Variants in SSBP3 observed in about 807,000 individuals in gnomAD.
SSBP3 encodes single stranded DNA binding protein 3, also known as single-stranded DNA-binding protein 3.
In SSBP3, 5 loss-of-function variants were observed where a neutral mutation model predicts 69.6. The observed-to-expected ratio is 0.07, with a 90% CI of 0.04 to 0.15. The LOEUF is 0.15. Among genes scored for constraint, SSBP3 ranks in the 10% least tolerant of loss-of-function variants. The pLI is 1.00. For synonymous variants in SSBP3, 196 were observed against 193.4 expected (o/e 1.01, Z -0.11); for missense variants, 312 against 534.0 (o/e 0.58, Z 4.10).
chr1:54,369,887 C>CTG (rs892297805), intron 4 of SSBP3, among the ~76,000 whole-genome samples: 2 of 152,082 alleles, frequency 1.3e-5, no homozygotes, highest in African/African-American at 4.8e-5. Context: ...TTTTTTTACC[C>CTG]TGCTGCCTCT....
At chr1:54,408,152 G>A (rs1649898371), upstream of SSBP3, among the ~76,000 whole-genome samples, 1 of 152,128 alleles carries the variant, frequency 6.6e-6, no homozygotes, top group African/African-American at 2.4e-5. Flanking sequence ...CGCTCACAGG[G>A]GAAAGGGGCA....
intron 4 of SSBP3, among the ~76,000 whole-genome samples, chr1:54,341,665 T>C (rs1646608745): frequency 6.6e-6 from 1 of 151,426 alleles, no homozygotes; most frequent in Non-Finnish European, 1.5e-5. Flanking sequence ...TCCTTTATTA[T>C]GGTTGTGGAG....
intron 4 of SSBP3, among the ~76,000 whole-genome samples, chr1:54,298,037 C>A (rs1283544424): frequency 2.6e-5 from 4 of 152,186 alleles, no homozygotes; most frequent in Non-Finnish European, 5.9e-5. Flanking sequence ...TCTTCTGCCC[C>A]CTCATGCTCC....
At chr1:54,282,339 T>G (rs1645410547) in intron 4 of SSBP3, among the ~76,000 whole-genome samples, 1 of 152,150 alleles carries the variant, frequency 6.6e-6, no homozygotes, top group South Asian at 2.1e-4. Context: ...AACGAATAAA[T>G]GAACAGACCA....
chr1:54,370,173 C>G (rs970152466), intron 4 of SSBP3, among the ~76,000 whole-genome samples: 3 of 152,128 alleles, frequency 2.0e-5, no homozygotes, highest in African/African-American at 7.2e-5. Flanking sequence ...CAGGGCCTTC[C>G]TGGAAGCTGG....
At chr1:54,368,096 G>A (rs1234474745) in intron 4 of SSBP3, among the ~76,000 whole-genome samples, 1 of 152,114 alleles carries the variant, frequency 6.6e-6, no homozygotes, top group African/African-American at 2.4e-5. Context: ...GAGGTCAGGA[G>A]TTCGAGACCA....
At chr1:54,247,705 C>T (rs999015765) in intron 9 of SSBP3, among the ~76,000 whole-genome samples, 8 of 152,198 alleles carry the variant, frequency 5.3e-5, no homozygotes, top group African/African-American at 1.7e-4. Context: ...AACAACAAGT[C>T]GGTGGCTCTC....
At chr1:54,357,833 AT>A (rs1646892458) in intron 4 of SSBP3, among the ~76,000 whole-genome samples, 1 of 152,322 alleles carries the variant, frequency 6.6e-6, no homozygotes, top group Non-Finnish European at 1.5e-5. Flanking sequence ...TTTTGCTAGC[AT>A]GTTCACCTGC....
In SSBP3 at chr1:54,401,954, A is replaced by T; in HGVS notation, c.192-9T>A. On this transcript the variant is annotated splice_polypyrimidine_tract_variant and intron_variant, in intron 3 of 17. Transcript: ENST00000610401. ...AAAGGTCCCAAAATACACTGCGAGG[A>T]GGAAAATAAAATAAGGTCAGGTTAC... The T allele has an allele frequency of 6.2e-7, 1 of 1,612,376 alleles. No individual in the cohort carries two copies. Among genetic ancestry groups the T allele is most frequent in the Non-Finnish European group, 8.5e-7 (1 of 1,178,568 alleles).
chr1:54,399,568 A>G (rs947430817), intron 4 of SSBP3, among the ~76,000 whole-genome samples: 1 of 152,212 alleles, frequency 6.6e-6, no homozygotes, highest in African/African-American at 2.4e-5. Flanking sequence ...GTGATCACAG[A>G]ATGCAGAAAA....
chr1:54,338,162 C>T (rs901212981), intron 4 of SSBP3, among the ~76,000 whole-genome samples: 25 of 152,254 alleles, frequency 1.6e-4, no homozygotes, highest in African/African-American at 6.0e-4. Flanking sequence ...TTGCCTGTGA[C>T]TGCCCCTGTG....
intron 13 of SSBP3, 101 bp downstream of exon 13, chr1:54,240,804 T>A (rs1055603981): frequency 2.2e-5 from 33 of 1,483,646 alleles, no homozygotes; most frequent in Admixed American, 5.3e-5. Context: ...AAGGAGTGGC[T>A]GGTAAGCTCT....
chr1:54,298,981 C>T (rs1399570666), intron 4 of SSBP3, among the ~76,000 whole-genome samples: 1 of 103,044 alleles, frequency 9.7e-6, no homozygotes, highest in East Asian at 5.4e-4. Context: ...CAAGGTGCCA[C>T]GCTGAGCTGA....
chr1:54,404,029 C>T (rs1570073117), intron 3 of SSBP3, among the ~76,000 whole-genome samples: 1 of 113,378 alleles, frequency 8.8e-6, no homozygotes, highest in Non-Finnish European at 1.8e-5. Flanking sequence ...GGGAGGGGGG[C>T]GGGGAGCTCC....
intron 4 of SSBP3, among the ~76,000 whole-genome samples, chr1:54,370,087 T>C (rs1051427314): frequency 1.3e-5 from 2 of 152,152 alleles, no homozygotes; most frequent in Admixed American, 1.3e-4. Context: ...CTCCGTCCTC[T>C]TCAGGGTCAC....
intron 14 of SSBP3, among the ~76,000 whole-genome samples, chr1:54,235,703 C>T (rs1323358579): frequency 2.0e-5 from 3 of 152,064 alleles, no homozygotes; most frequent in Non-Finnish European, 4.4e-5. Flanking sequence ...TCACCTCGGC[C>T]TCCCAACGTG....
At chr1:54,231,273 G>A (rs1286416425) in intron 14 of SSBP3, among the ~76,000 whole-genome samples, 11 of 152,202 alleles carry the variant, frequency 7.2e-5, no homozygotes, top group Non-Finnish European at 1.3e-4. Flanking sequence ...GTTTTGATTT[G>A]CATTTCCTAA....
intron 7 of SSBP3, 87 bp from the exon 8 acceptor site, chr1:54,251,947 C>A: frequency 1.7e-6 from 2 of 1,161,982 alleles, no homozygotes; most frequent in Non-Finnish European, 2.5e-6. Flanking sequence ...ACCCAGTGCC[C>A]CGTGTGATCA....
chr1:54,406,905 C>T (rs1366977096), upstream of SSBP3, among the ~76,000 whole-genome samples: 1 of 151,644 alleles, frequency 6.6e-6, no homozygotes, highest in Non-Finnish European at 1.5e-5. Context: ...CTTGGTTGTC[C>T]TCCCCCTAGG....
Sources: allele counts gnomAD v4.1 joint callset (sites outside exome capture counted in the v4.1 genomes callset), GRCh38; gene constraint gnomAD v4.1.1; transcripts MANE v1.5; gene names NCBI Gene and HGNC (gene_info 2026-07-23, HGNC 2026-07-21).